The following MAPK10 variants were observed in gnomAD, a reference collection of about 807,000 sequenced individuals.
The protein encoded by MAPK10 is mitogen-activated protein kinase 10.
Under a neutral mutation model 59.3 loss-of-function variants are expected in MAPK10, and 25 were observed. That is an observed-to-expected ratio of 0.42 (90% CI 0.31 to 0.59). The LOEUF (loss-of-function observed/expected upper bound fraction) is 0.59, where lower values mean the gene tolerates loss of function less well. MAPK10 is among the 20% of genes least tolerant of loss of function. The pLI is 0.15. For synonymous variants in MAPK10, 190 were observed against 200.5 expected (o/e 0.95, Z 0.44); for missense variants, 351 against 568.9 (o/e 0.62, Z 3.90).
intron 2 of MAPK10, among the ~76,000 whole-genome samples, chr4:86,229,645 A>G (rs902003266): frequency 3.9e-5 from 6 of 152,160 alleles, no homozygotes; most frequent in Non-Finnish European, 5.9e-5. Context: ...CATTGTATGC[A>G]TGATTGAAAA....
At chr4:86,317,568 A>G (rs1164118463) in intron 2 of MAPK10, among the ~76,000 whole-genome samples, 2 of 152,190 alleles carry the variant, frequency 1.3e-5, no homozygotes, top group East Asian at 3.9e-4. Flanking sequence ...TTTAGAGTTC[A>G]AACTCTGTCT....
intron 3 of MAPK10, among the ~76,000 whole-genome samples, chr4:86,160,934 C>T (rs1008860116): frequency 1.3e-5 from 2 of 151,912 alleles, no homozygotes; most frequent in Non-Finnish European, 1.5e-5. Flanking sequence ...TAATTTTCCC[C>T]ATATTCACTT....
At chr4:86,565,267 T>A (rs1277263558) in intron 1 of MAPK10, among the ~76,000 whole-genome samples, 2 of 152,240 alleles carry the variant, frequency 1.3e-5, no homozygotes, top group Non-Finnish European at 2.9e-5. Flanking sequence ...CATATCCTCA[T>A]TTCCTACTTT....
chr4:86,107,121 T>C, intron 5 of MAPK10, 102 bp downstream of exon 5: 1 of 874,060 alleles, frequency 1.1e-6, no homozygotes, highest in Non-Finnish European at 1.8e-6. Flanking sequence ...GAGGCAGGAA[T>C]TGCAAAGCAA....
intron 13 of MAPK10, among the ~76,000 whole-genome samples, chr4:86,021,680 G>C (rs1026976622): frequency 6.6e-6 from 1 of 152,208 alleles, no homozygotes; most frequent in African/African-American, 2.4e-5. Context: ...GGGGAGGCTC[G>C]GGCTGCACAG....
intron 1 of MAPK10, among the ~76,000 whole-genome samples, chr4:86,410,548 G>C (rs1745010943): frequency 1.3e-5 from 2 of 152,028 alleles, no homozygotes; most frequent in South Asian, 4.2e-4. Context: ...CTTTTTGTTT[G>C]GTAGGCTATT....
intron 2 of MAPK10, among the ~76,000 whole-genome samples, chr4:86,212,407 A>G (rs1024058356): frequency 2.0e-5 from 3 of 152,166 alleles, no homozygotes; most frequent in Non-Finnish European, 4.4e-5. Flanking sequence ...CTGTATTCCT[A>G]GCTACTCAGG....
chr4:86,318,076 T>C (rs763327169), intron 2 of MAPK10, among the ~76,000 whole-genome samples: 2 of 152,178 alleles, frequency 1.3e-5, no homozygotes, highest in African/African-American at 4.8e-5. Context: ...ACACCAATTA[T>C]ATTGGATTTA....
intron 11 of MAPK10, among the ~76,000 whole-genome samples, chr4:86,045,490 T>C (rs568870363): frequency 1.1e-4 from 16 of 152,242 alleles, no homozygotes; most frequent in African/African-American, 3.4e-4. Flanking sequence ...ATTCTGCCCA[T>C]GTCTACAGTG....
In MAPK10 at chr4:86,089,093, T is replaced by C. The variant is rs116117436; in HGVS notation, c.802+9431A>G. Reference sequence around the variant, plus strand: ...TGTAAATATTTGACATTGAGTCTCATAGAAACTCTCTAAGGACAGTGAACA... The same window carrying C: ...TGTAAATATTTGACATTGAGTCTCACAGAAACTCTCTAAGGACAGTGAACA... On this transcript the variant is annotated intron_variant, in intron 9 of 13. Coordinates refer to ENST00000641462, the MANE Select transcript of MAPK10 (RefSeq NM_138982.4). The C allele has an allele frequency of 3.4e-3, 2,647 of 772,558 alleles. 10 individuals are homozygous for C. The highest frequency in any genetic ancestry group is 4.1e-3 in the Non-Finnish European group (2,038 of 493,614). The allele number at this position is 772,558 out of a possible 1,614,324, so 47.9% of individuals were successfully genotyped here. A position where few individuals can be genotyped will look rare whatever the true frequency, so the allele number is the denominator to read the frequency against.
intron 1 of MAPK10, among the ~76,000 whole-genome samples, chr4:86,379,194 C>G (rs1323887413): frequency 1.3e-5 from 2 of 152,190 alleles, no homozygotes; most frequent in Non-Finnish European, 2.9e-5. Flanking sequence ...CTCCTTAAGT[C>G]CCGGCCTAGC....
At chr4:86,126,520 G>A (rs1715659941) in intron 4 of MAPK10, among the ~76,000 whole-genome samples, 1 of 151,940 alleles carries the variant, frequency 6.6e-6, no homozygotes, top group South Asian at 2.1e-4. Context: ...CTTTAAATAT[G>A]TTAGAAAAGG....
intron 2 of MAPK10, among the ~76,000 whole-genome samples, chr4:86,230,639 C>T (rs1412402426): frequency 6.6e-6 from 1 of 152,124 alleles, no homozygotes; most frequent in Non-Finnish European, 1.5e-5. Context: ...TGTACTTATA[C>T]AAGTTCACTT....
chr4:86,011,130 G>C lies in MAPK10; in HGVS notation c.*6098C>G, dbSNP rs1469489424. Reference sequence around the variant, plus strand: ...GTGTCACCACATTTCATGTGTCTGAGAAATATAAATTTCTACAGCACATTT... The same window carrying C: ...GTGTCACCACATTTCATGTGTCTGACAAATATAAATTTCTACAGCACATTT... On this transcript the variant is annotated 3_prime_UTR_variant, in exon 14 of 14. Coordinates refer to ENST00000641462, the MANE Select transcript of MAPK10 (RefSeq NM_138982.4). 1.3e-5 allele frequency: 2 copies of C among 152,216 alleles called. No individual in the cohort carries two copies. The highest frequency in any genetic ancestry group is 2.9e-5 in the Non-Finnish European group (2 of 68,042). 9.4% of individuals were successfully genotyped at this position (152,216 alleles called of 1,614,324 possible). A position where few individuals can be genotyped will look rare whatever the true frequency, so the allele number is the denominator to read the frequency against.
chr4:86,020,940 G>C (rs908857506), intron 13 of MAPK10: 7 of 152,276 alleles, frequency 4.6e-5, no homozygotes, highest in African/African-American at 1.7e-4. Context: ...GGCTCGGGCA[G>C]CCTGCTTTTA....
At chr4:86,191,498 A>T (rs2079771257) in intron 3 of MAPK10, 1 of 140,564 alleles carries the variant, frequency 7.1e-6, no homozygotes, top group Admixed American at 7.5e-5. Flanking sequence ...ACCTTTATGT[A>T]ATGCCTTTCT....
intron 9 of MAPK10, among the ~76,000 whole-genome samples, chr4:86,075,473 C>T (rs1266035492): frequency 2.0e-5 from 3 of 152,112 alleles, no homozygotes; most frequent in African/African-American, 4.8e-5. Context: ...AGATGCTCTG[C>T]GTTTTAGAGT....
chr4:86,075,508 T>C (rs2149016319), intron 9 of MAPK10, among the ~76,000 whole-genome samples: 1 of 152,328 alleles, frequency 6.6e-6, no homozygotes, highest in Non-Finnish European at 1.5e-5. Flanking sequence ...TTCTGTTTTT[T>C]CCCCATCTTT....
At chr4:86,118,832 A>G (rs542184571) in intron 4 of MAPK10, among the ~76,000 whole-genome samples, 5 of 152,200 alleles carry the variant, frequency 3.3e-5, no homozygotes, top group African/African-American at 1.2e-4. Context: ...CATCTTAAAC[A>G]TCTTAAATCA....
Sources: gnomAD v4.1 joint callset for allele counts (sites outside exome capture counted in the v4.1 genomes callset) on GRCh38, gnomAD v4.1.1 for gene constraint, MANE v1.5 for transcripts, NCBI Gene and HGNC (gene_info 2026-07-23, HGNC 2026-07-21) for gene names.